The following GOLGA3 variants were observed in gnomAD, a reference collection of about 807,000 sequenced individuals.
The protein encoded by GOLGA3 is golgin subfamily A member 3.
Under a neutral mutation model 169.4 loss-of-function variants are expected in GOLGA3, and 75 were observed. That is an observed-to-expected ratio of 0.44 (90% confidence interval 0.37 to 0.54). GOLGA3 has a LOEUF of 0.54. GOLGA3 is among the 20% of genes least tolerant of loss of function. The probability of loss-of-function intolerance (pLI) is 0.00; values close to 1 mark genes in which losing one functional copy is unlikely to be tolerated. For synonymous variants in GOLGA3, 824 were observed against 822.4 expected (o/e 1.00, Z -0.03); for missense variants, 1,899 against 1,930.0 (o/e 0.98, Z 0.30).
In GOLGA3 at chr12:132,772,721, A is replaced by T; in HGVS notation, c.*384T>A. On this transcript the variant is annotated 3_prime_UTR_variant, in exon 24 of 24. Coordinates refer to ENST00000450791, the MANE Select transcript of GOLGA3 (RefSeq NM_001389683.1). ...ATGGAACAGGGAAGTGAGAAACTGC[A>T]GCCGGCCTGGCCAGGCGCGGTGCCG... is the stretch of plus-strand genomic sequence containing the variant. The T allele has an allele frequency of 4.0e-5, 7 of 175,318 alleles. No homozygotes were observed. Among genetic ancestry groups the T allele is most frequent in the Non-Finnish European group, 7.2e-5 (6 of 83,006 alleles). The allele number at this position is 175,318 out of a possible 1,614,324, so 10.9% of individuals were successfully genotyped here. A position where few individuals can be genotyped will look rare whatever the true frequency, so the allele number is the denominator to read the frequency against.
rs1203801486 is a variant in GOLGA3, at chr12:132,792,766, C to T, written c.2470-1473G>A. 3.9e-5 allele frequency among the ~76,000 whole-genome samples: 5 copies of T among 129,788 alleles called. 1 individual carries two copies. The highest frequency in any genetic ancestry group is 8.3e-5 in the Non-Finnish European group (5 of 60,078). The allele number at this position is 129,788 out of a possible 152,430, so 85.1% of individuals were successfully genotyped here. A position where few individuals can be genotyped will look rare whatever the true frequency, so the allele number is the denominator to read the frequency against. ...CTCGGAGGGCTCCACACGGACTGACCGCACGGGACCTGCACTCGGAGGGCT... is the reference window on the plus strand; with the variant it reads ...CTCGGAGGGCTCCACACGGACTGACTGCACGGGACCTGCACTCGGAGGGCT... On this transcript the variant is annotated intron_variant, in intron 11 of 23. Transcript: ENST00000450791.
At position 132,770,495 on chromosome 12, in the gene GOLGA3, T is replaced by C. The variant is rs1343844891; in HGVS notation, c.*2610A>G. Reference sequence around the variant, plus strand: ...CCGGGGTGAGAACATAGAGCTACTTTTCCTTCGGTATTTTCAGAATTAGTC... The same window carrying C: ...CCGGGGTGAGAACATAGAGCTACTTCTCCTTCGGTATTTTCAGAATTAGTC... On this transcript the variant is annotated 3_prime_UTR_variant, in exon 24 of 24. Transcript: ENST00000450791. 6.6e-6 allele frequency: 1 copy of C among 152,156 alleles called. No homozygotes were observed. The highest frequency in any genetic ancestry group is 1.5e-5 in the Non-Finnish European group (1 of 68,030). The allele number at this position is 152,156 out of a possible 1,614,324, so 9.4% of individuals were successfully genotyped here. A position where few individuals can be genotyped will look rare whatever the true frequency, so the allele number is the denominator to read the frequency against.
intron 1 of GOLGA3, among the ~76,000 whole-genome samples, chr12:132,823,718 C>A (rs138175735): frequency 1.3e-5 from 2 of 151,376 alleles, no homozygotes; most frequent in African/African-American, 4.9e-5. Context: ...ACCTGGGAGG[C>A]GGAGGTTGCA....
intron 23 of GOLGA3, 57 bp from the exon 24 acceptor site, chr12:132,773,351 G>A (rs892825784): frequency 1.4e-5 from 16 of 1,130,456 alleles, no homozygotes; most frequent in Admixed American, 6.5e-5. Flanking sequence ...GGCAGAACGC[G>A]CCACCTGTGG....
rs372687814 is a variant in GOLGA3, at chr12:132,808,053, T to C, written c.1016A>G (p.Gln339Arg). ...YGILSKTVGT[Q>R]DTPYMVNGQE... The stretch of plus-strand genomic sequence containing the variant: ...GCCGTTGACCATATAGGGGGTGTCC[T>C]GCGTGCCCACTGTCTTCGACAGAAT... The change falls in exon 5 of 24, where the codon CAG becomes CGG. Residue 339 changes from glutamine to arginine, a missense_variant. Transcript: ENST00000450791. 3 of 1,601,638 alleles carry C rather than the reference T, an allele frequency of 1.9e-6. No individual in the cohort carries two copies. Among genetic ancestry groups the C allele is most frequent in the African/African-American group, 2.7e-5 (2 of 74,622 alleles).
chr12:132,787,649 C>T (rs542053242), intron 13 of GOLGA3, among the ~76,000 whole-genome samples: 1 of 100,634 alleles, frequency 9.9e-6, no homozygotes, highest in African/African-American at 3.3e-5. Flanking sequence ...CACGGGACCC[C>T]TCCCCGGAGA....
At chr12:132,812,590 G>GTTGAGGGA (rs1949772523) in intron 4 of GOLGA3, among the ~76,000 whole-genome samples, 1 of 152,208 alleles carries the variant, frequency 6.6e-6, no homozygotes, top group Non-Finnish European at 1.5e-5. Flanking sequence ...CACGGACAGC[G>GTTGAGGGA]TTGAGGGATT....
At chr12:132,811,396 TA>T (rs1566130611) in intron 4 of GOLGA3, among the ~76,000 whole-genome samples, 1 of 152,230 alleles carries the variant, frequency 6.6e-6, no homozygotes, top group Non-Finnish European at 1.5e-5. Flanking sequence ...TTTCTCAGTT[TA>T]TCCTTTTTGT....
chr12:132,780,343 G>A (rs571205474), intron 18 of GOLGA3, among the ~76,000 whole-genome samples: 246 of 152,296 alleles, frequency 1.6e-3, no homozygotes, highest in African/African-American at 5.7e-3. Flanking sequence ...GGGCACCTGG[G>A]GGTCAGGATG....
intron 1 of GOLGA3, among the ~76,000 whole-genome samples, chr12:132,823,501 T>C (rs1483153064): frequency 6.6e-6 from 1 of 152,214 alleles, no homozygotes; most frequent in Admixed American, 6.5e-5. Context: ...GAAGCCCACA[T>C]GGGGCCGGGT....
At position 132,775,308 on chromosome 12, in the gene GOLGA3, G is replaced by A. The variant is rs779068541; in HGVS notation, c.3979-3C>T. The A allele has an allele frequency of 2.5e-6, 4 of 1,593,082 alleles. No individual in the cohort carries two copies. The highest frequency in any genetic ancestry group is 2.7e-5 in the African/African-American group (2 of 73,766). ...ATCTCCAACTCAGACTTGACGTTCTGTGGAAAATGAAGTCAGATTTTTAAA... is the reference window on the plus strand; with the variant it reads ...ATCTCCAACTCAGACTTGACGTTCTATGGAAAATGAAGTCAGATTTTTAAA... On this transcript the variant is annotated splice_region_variant and splice_polypyrimidine_tract_variant and intron_variant, in intron 21 of 23. Transcript: ENST00000450791.
rs895246688 is a variant in GOLGA3 at position 132,816,488 on chromosome 12, G to A, written c.406+52C>T. ...TGCGCAGGGCACCTGCTCCCAAGGG[G>A]CTGAGCGACGCGGACGTGGAGGGTG... On this transcript the variant is annotated intron_variant, in intron 3 of 23. Transcript: ENST00000450791. The A allele has an allele frequency of 3.8e-6, 6 of 1,574,498 alleles. No homozygotes were observed. The South Asian group carries it at 7.0e-5, about 18-fold the overall frequency.
At chr12:132,797,407 G>A (rs575626985) in intron 9 of GOLGA3, among the ~76,000 whole-genome samples, 5 of 152,140 alleles carry the variant, frequency 3.3e-5, no homozygotes, top group South Asian at 2.1e-4. Context: ...CAAGGCTATC[G>A]AGTAGGTGAC....
chr12:132,774,427 C>T (rs1041305364), intron 22 of GOLGA3, 107 bp from the exon 23 acceptor site: 10 of 1,314,012 alleles, frequency 7.6e-6, no homozygotes, highest in Non-Finnish European at 1.1e-5. Context: ...GGACGTGGGG[C>T]CTCTGGGAAG....
Position 132,776,953 on chromosome 12 carries a change from G to A in GOLGA3, c.3855+5C>T, listed in dbSNP as rs61951323. ...CCTGCAAGTCCAGCCCCCGTGAACCGTCACCTCTTGGTTTCCCACGGGCTG... is the reference window on the plus strand; with the variant it reads ...CCTGCAAGTCCAGCCCCCGTGAACCATCACCTCTTGGTTTCCCACGGGCTG... On this transcript the variant is annotated splice_donor_5th_base_variant and intron_variant, in intron 20 of 23. Coordinates refer to ENST00000450791, the MANE Select transcript of GOLGA3 (RefSeq NM_001389683.1). 115,485 of 1,576,824 alleles carry A rather than the reference G, an allele frequency of 0.073. 5,488 individuals carry two copies. Among genetic ancestry groups the A allele is most frequent in the African/African-American group, 0.18 (13,045 of 73,876 alleles).
intron 18 of GOLGA3, among the ~76,000 whole-genome samples, chr12:132,778,431 CGTG>C (rs1237729176): frequency 6.6e-6 from 1 of 151,230 alleles, no homozygotes; most frequent in Admixed American, 6.6e-5. Flanking sequence ...ATTAGCCAGG[CGTG>C]GTGGCGGGCA....
chr12:132,780,125 A>AC (rs1555251129), intron 18 of GOLGA3, among the ~76,000 whole-genome samples: 29 of 122,318 alleles, frequency 2.4e-4, no homozygotes, highest in Middle Eastern at 0.01. Context: ...CCGCGTGCAC[A>AC]CACCCCAGGC....
chr12:132,809,645 T>C (rs1485311249), intron 4 of GOLGA3, among the ~76,000 whole-genome samples: 2 of 152,208 alleles, frequency 1.3e-5, no homozygotes, highest in Non-Finnish European at 2.9e-5. Context: ...CACCTCACTA[T>C]GTCCCCTCAG....
At chr12:132,776,840 T>G in intron 20 of GOLGA3, 84 bp from the exon 21 acceptor site, 3 of 1,566,162 alleles carry the variant, frequency 1.9e-6, no homozygotes, top group Non-Finnish European at 2.6e-6. Context: ...TGTTTTGGTT[T>G]ATCTTTTAAT....
Sources: allele counts gnomAD v4.1 joint callset (sites outside exome capture counted in the v4.1 genomes callset), GRCh38; gene constraint gnomAD v4.1.1; transcripts MANE v1.5; gene names NCBI Gene and HGNC (gene_info 2026-07-23, HGNC 2026-07-21).